BFSP1: variants seen among roughly 807,000 people sequenced by gnomAD.
The protein encoded by BFSP1 is filensin.
BFSP1 carries 38 observed loss-of-function variants against 43.9 expected under a neutral mutation model. That is an observed-to-expected ratio of 0.87 (90% CI 0.67 to 1.14). The LOEUF (loss-of-function observed/expected upper bound fraction) is 1.14, where lower values mean the gene tolerates loss of function less well. BFSP1 is among the 50% of genes most tolerant of loss of function. The pLI, the probability that BFSP1 is intolerant of heterozygous loss-of-function variation, is 0.00. For missense variants in BFSP1, 850 were observed against 875.1 expected (o/e 0.97, Z 0.36); for synonymous variants, 352 against 354.8 (o/e 0.99, Z 0.09).
At chr20:17,566,481 C>T (rs1163741328) in intron 1 of BFSP1, among the ~76,000 whole-genome samples, 1 of 152,174 alleles carries the variant, frequency 6.6e-6, no homozygotes, top group Non-Finnish European at 1.5e-5. Context: ...TAGCAGAATA[C>T]CATAAACTGG....
intron 5 of BFSP1, among the ~76,000 whole-genome samples, chr20:17,499,260 T>G (rs1188215878): frequency 6.8e-6 from 1 of 146,746 alleles, no homozygotes; most frequent in Non-Finnish European, 1.5e-5. Flanking sequence ...TTTTTTTTTT[T>G]TTGATAGAGG....
At chr20:17,509,822 G>T (rs1261651308) in intron 4 of BFSP1, among the ~76,000 whole-genome samples, 3 of 152,106 alleles carry the variant, frequency 2.0e-5, no homozygotes, top group Non-Finnish European at 2.9e-5. Context: ...TGCCAAGCAG[G>T]TCCCTCTCTC....
At chr20:17,520,115 T>C (rs1270191237) in intron 2 of BFSP1, among the ~76,000 whole-genome samples, 4 of 151,984 alleles carry the variant, frequency 2.6e-5, no homozygotes, top group Non-Finnish European at 5.9e-5. Flanking sequence ...TCACAACACC[T>C]GGGAACGGAT....
intron 1 of BFSP1, among the ~76,000 whole-genome samples, chr20:17,565,053 AAAGT>A (rs1290369929): frequency 1.3e-5 from 2 of 151,632 alleles, no homozygotes; most frequent in East Asian, 3.9e-4. Flanking sequence ...AACCCCTAAC[AAAGT>A]AAGAAAAAAA....
At chr20:17,497,161 A>C in intron 6 of BFSP1, 138 bp from the exon 7 acceptor site, 1 of 589,062 alleles carries the variant, frequency 1.7e-6, no homozygotes, top group Non-Finnish European at 2.9e-6. Context: ...TTAAACAGAC[A>C]GCCATACACA....
intron 2 of BFSP1, among the ~76,000 whole-genome samples, chr20:17,523,169 G>A (rs560123938): frequency 6.6e-4 from 101 of 152,276 alleles, no homozygotes; most frequent in African/African-American, 2.1e-3. Flanking sequence ...TTTTTCTACT[G>A]AGAATATGGA....
rs1368360744 is a variant in BFSP1, at chr20:17,511,976, C to T, written c.627G>A (p.Glu209=). 6.2e-7 allele frequency: 1 copy of T among 1,600,276 alleles called. No individual in the cohort carries two copies. Among genetic ancestry groups the T allele is most frequent in the South Asian group, 1.1e-5 (1 of 90,696 alleles). ...TGCCTTTTCCTGCTTCAATTCTTACCTCCCTCATCCCACTCGTCACAATGG... is the reference window on the plus strand; with the variant it reads ...TGCCTTTTCCTGCTTCAATTCTTACTTCCCTCATCCCACTCGTCACAATGG... ...PASIVTSGMR[E]EKLLTEREVA... The change falls in exon 4 of 8, where the codon GAG becomes GAA. Residue 209 remains glutamate (E), a splice_region_variant and synonymous_variant. Transcript: ENST00000377873.
At position 17,497,617 on chromosome 20, in the gene BFSP1, C is replaced by CCT. The variant is rs374976144; in HGVS notation, c.957-595_957-594insAG. On this transcript the variant is annotated intron_variant, in intron 6 of 7. Transcript: ENST00000377873. ...ACGTGTATATATATACGTATATATA[C>CCT]ATATACACACACATATATACATATA... Among the ~76,000 whole-genome samples, 7 of 144,218 alleles carry CCT rather than the reference C, an allele frequency of 4.9e-5. No homozygotes were observed. The East Asian group carries it at 1.1e-3, about 22-fold the overall frequency. The allele number at this position is 144,218 out of a possible 152,430, so 94.6% of individuals were successfully genotyped here.
chr20:17,497,125 A>T (rs1339435445), intron 6 of BFSP1, 102 bp from the exon 7 acceptor site: 1 of 833,842 alleles, frequency 1.2e-6, no homozygotes. Flanking sequence ...TCTCTAGACC[A>T]AATTGCTCAC....
chr20:17,501,064 G>A (rs749725422), intron 5 of BFSP1, among the ~76,000 whole-genome samples: 2 of 152,104 alleles, frequency 1.3e-5, no homozygotes, highest in African/African-American at 4.8e-5. Context: ...CCGGTCCATG[G>A]GCCACACTTC....
upstream of BFSP1, among the ~76,000 whole-genome samples, chr20:17,559,495 C>T (rs963548538): frequency 3.3e-5 from 5 of 152,156 alleles, no homozygotes; most frequent in Non-Finnish European, 7.4e-5. Context: ...CAAAGGGGTG[C>T]ACCTTGCAGA....
At chr20:17,559,291 G>A (rs555927776), upstream of BFSP1, among the ~76,000 whole-genome samples, 4 of 152,270 alleles carry the variant, frequency 2.6e-5, no homozygotes, top group East Asian at 1.9e-4. Flanking sequence ...GTTTTGTCTA[G>A]AGCCCAAGGC....
chr20:17,558,780 G>A, exon 1 of BFSP1: 1 of 1,536,936 alleles, frequency 6.5e-7, no homozygotes, highest in Non-Finnish European at 8.8e-7. Context: ...GAGGTACCCT[G>A]CCTACCCAGG....
chr20:17,527,450 G>A (rs1168196279), intron 1 of BFSP1, among the ~76,000 whole-genome samples: 4 of 152,140 alleles, frequency 2.6e-5, no homozygotes, highest in Admixed American at 6.5e-5. Context: ...AGTGATTTCC[G>A]GGCGCGGTGG....
intron 1 of BFSP1, among the ~76,000 whole-genome samples, chr20:17,541,575 C>T (rs938388201): frequency 1.8e-4 from 27 of 152,228 alleles, no homozygotes; most frequent in Admixed American, 1.7e-3. Context: ...AGTTATAAGA[C>T]ACATGAAAAG....
intron 7 of BFSP1, among the ~76,000 whole-genome samples, chr20:17,495,534 A>G (rs2033611192): frequency 6.6e-6 from 1 of 151,554 alleles, no homozygotes; most frequent in Non-Finnish European, 1.5e-5. Flanking sequence ...TGGAGATGGA[A>G]CCCGTTCACG....
At chr20:17,559,044 G>GAAA (rs549727020), upstream of BFSP1, 3 of 185,264 alleles carry the variant, frequency 1.6e-5, no homozygotes, top group Non-Finnish European at 3.2e-5. Flanking sequence ...GAAGAGTAAA[G>GAAA]AAAAAAAAAA....
intron 4 of BFSP1, among the ~76,000 whole-genome samples, chr20:17,509,321 C>A (rs1212370397): frequency 6.6e-6 from 1 of 150,500 alleles, no homozygotes; most frequent in East Asian, 2.0e-4. Flanking sequence ...AAAGAGAGCC[C>A]TCACCAGACA....
At chr20:17,563,698 A>G (rs1479308674), upstream of BFSP1, among the ~76,000 whole-genome samples, 1 of 151,930 alleles carries the variant, frequency 6.6e-6, no homozygotes. Flanking sequence ...GCTGGGCAAC[A>G]TAGGGAGATC....
Sources: allele counts gnomAD v4.1 joint callset (sites outside exome capture counted in the v4.1 genomes callset), GRCh38; gene constraint gnomAD v4.1.1; transcripts MANE v1.5; gene names NCBI Gene and HGNC (gene_info 2026-07-23, HGNC 2026-07-21).